The following RPL11 variants were observed in gnomAD, a reference collection of about 807,000 sequenced individuals.
RPL11 encodes large ribosomal subunit protein uL5.
A neutral mutation model predicts 24.1 loss-of-function variants in RPL11; 3 were observed. The ratio of observed to expected loss-of-function variants is 0.12; its 90% CI spans 0.06 to 0.32. RPL11 has a LOEUF of 0.32. Ranked by LOEUF, RPL11 falls within the 10% of genes least tolerant of loss-of-function variation. The probability of loss-of-function intolerance (pLI) is 1.00; values close to 1 mark genes in which losing one functional copy is unlikely to be tolerated. For synonymous variants in RPL11, 96 were observed against 75.7 expected (o/e 1.27, Z -1.39); for missense variants, 146 against 225.7 (o/e 0.65, Z 2.26).
intron 2 of RPL11, 65 bp downstream of exon 2, chr1:23,692,824 C>T (rs1338559386): frequency 1.2e-6 from 2 of 1,601,620 alleles, no homozygotes; most frequent in Non-Finnish European, 1.7e-6. Context: ...CTTGATTTAC[C>T]TGCTGTCGAG....
At chr1:23,692,341 C>T (rs895237091) in intron 1 of RPL11, 4 of 471,826 alleles carry the variant, frequency 8.5e-6, no homozygotes, top group African/African-American at 3.9e-5. Flanking sequence ...TTACCCTGAG[C>T]CTCTTAGGGT....
intron 1 of RPL11, 160 bp from the exon 2 acceptor site, chr1:23,692,449 T>G (rs1371892485): frequency 3.5e-6 from 3 of 856,526 alleles, no homozygotes; most frequent in Non-Finnish European, 5.5e-6. Context: ...CCGAGCTGTC[T>G]TCTTCCCTTG....
Position 23,696,437 on chromosome 1 carries a change from G to A in RPL11, c.*64G>A. 1.3e-6 allele frequency: 2 copies of A among 1,532,512 alleles called. No individual in the cohort carries two copies. Among genetic ancestry groups the A allele is most frequent in the Non-Finnish European group, 1.8e-6 (2 of 1,107,302 alleles). 94.9% of individuals were successfully genotyped at this position (1,532,512 alleles called of 1,614,324 possible). A position where few individuals can be genotyped will look rare whatever the true frequency, so the allele number is the denominator to read the frequency against. On this transcript the variant is annotated 3_prime_UTR_variant, in exon 6 of 6. Coordinates refer to ENST00000643754, the MANE Select transcript of RPL11 (RefSeq NM_000975.5). ...AGTGAAATGTGCAATTCTGTTGTGT[G>A]TTCTGTGAAAGGATCCTGGCCATAT...
rs770559383 is a variant in RPL11, at chr1:23,693,794, C to A, written c.158-13C>A. ...ATGATGGCATCTGACTCCTTGTTAC[C>A]CACTTCCTGCAGCTAGATACACTGT... On this transcript the variant is annotated splice_polypyrimidine_tract_variant and intron_variant, in intron 2 of 5. Coordinates refer to ENST00000643754, the MANE Select transcript of RPL11 (RefSeq NM_000975.5). 2 of 1,605,964 alleles carry A rather than the reference C, an allele frequency of 1.2e-6. No homozygotes were observed. Among genetic ancestry groups the A allele is most frequent in the Non-Finnish European group, 1.7e-6 (2 of 1,172,902 alleles).
chr1:23,693,530 G>A (rs1237762086), intron 2 of RPL11, among the ~76,000 whole-genome samples: 1 of 152,084 alleles, frequency 6.6e-6, no homozygotes, highest in South Asian at 2.1e-4. Context: ...TGGCTTCTTC[G>A]GCCTATTCTG....
Position 23,691,806 on chromosome 1 carries a change from C to T in RPL11, c.-18C>T, listed in dbSNP as rs748969140. ...GGCCCTCGGCCGGAAGCTCCGCTTT[C>T]TCTTCCTGCTCTCCATCATGGCGGT... On this transcript the variant is annotated 5_prime_UTR_variant, in exon 1 of 6. Transcript: ENST00000643754. 5 of 1,614,264 alleles carry T rather than the reference C, an allele frequency of 3.1e-6. No individual in the cohort carries two copies. Among genetic ancestry groups the T allele is most frequent in the East Asian group, 4.5e-5 (2 of 44,884 alleles).
chr1:23,693,050 A>C (rs1466384939), intron 2 of RPL11, among the ~76,000 whole-genome samples: 3 of 152,202 alleles, frequency 2.0e-5, no homozygotes, highest in African/African-American at 7.2e-5. Flanking sequence ...CGAAGTAAAG[A>C]TCATTAGATC....
Position 23,696,571 on chromosome 1 carries a change from C to T in RPL11, c.*198C>T. 1.5e-6 allele frequency: 1 copy of T among 646,486 alleles called. No individual in the cohort carries two copies. The highest frequency in any genetic ancestry group is 2.7e-5 in the East Asian group (1 of 36,454). 40.0% of individuals were successfully genotyped at this position (646,486 alleles called of 1,614,324 possible). A position where few individuals can be genotyped will look rare whatever the true frequency, so the allele number is the denominator to read the frequency against. On this transcript the variant is annotated 3_prime_UTR_variant, in exon 6 of 6. Coordinates refer to ENST00000643754, the MANE Select transcript of RPL11 (RefSeq NM_000975.5). The stretch of plus-strand genomic sequence containing the variant: ...ATTTCCTGGCAGATCCAAGTCCAAG[C>T]TTCATAGCATTCATTGCCTGTGCTT...
intron 2 of RPL11, 38 bp from the exon 3 acceptor site, chr1:23,693,769 A>G (rs1644516380): frequency 1.3e-5 from 19 of 1,411,322 alleles, no homozygotes; most frequent in Non-Finnish European, 1.8e-5. Context: ...TAGTGGGGGT[A>G]TGATGGCATC....
intron 2 of RPL11, among the ~76,000 whole-genome samples, chr1:23,693,499 G>A (rs1231867640): frequency 6.6e-6 from 1 of 152,168 alleles, no homozygotes; most frequent in African/African-American, 2.4e-5. Context: ...TGTTTTCTTT[G>A]GAACATGATA....
intron 4 of RPL11, 106 bp from the exon 5 acceptor site, chr1:23,695,692 T>C: frequency 1.9e-6 from 2 of 1,046,256 alleles, no homozygotes; most frequent in Non-Finnish European, 2.9e-6. Context: ...CAGAATCCAT[T>C]GGGCTGCCAA....
At position 23,691,837 on chromosome 1, in the gene RPL11, G is replaced by T. The variant is rs201469553; in HGVS notation, c.6+8G>T. On this transcript the variant is annotated splice_region_variant and intron_variant, in intron 1 of 5. Coordinates refer to ENST00000643754, the MANE Select transcript of RPL11 (RefSeq NM_000975.5). ...CTGCTCTCCATCATGGCGGTGAGTAGCTGGGACCTGGATTTGCTTTCCTTT... is the reference window on the plus strand; with the variant it reads ...CTGCTCTCCATCATGGCGGTGAGTATCTGGGACCTGGATTTGCTTTCCTTT... 1.9e-6 allele frequency: 3 copies of T among 1,614,264 alleles called. No individual in the cohort carries two copies. Among genetic ancestry groups the T allele is most frequent in the Middle Eastern group, 1.6e-4 (1 of 6,062 alleles).
chr1:23,693,941 A>G, intron 3 of RPL11, 28 bp downstream of exon 3: 1 of 1,463,250 alleles, frequency 6.8e-7, no homozygotes, highest in Non-Finnish European at 9.6e-7. Context: ...ATGGAGTGAT[A>G]TTGATCAGCA....
Position 23,693,823 on chromosome 1 carries a change from A to G in RPL11, c.174A>G (p.Arg58=), listed in dbSNP as rs752965630. ...TTCCTGCAGCTAGATACACTGTCAG[A>G]TCCTTTGGCATCCGGAGAAATGAAA... The part of the protein sequence containing the change: ...PVFSKARYTV[R]SFGIRRNEKI... Residue 58 remains arginine (R), a synonymous_variant, in exon 3 of 6, where the codon AGA becomes AGG. Coordinates refer to ENST00000643754, the MANE Select transcript of RPL11 (RefSeq NM_000975.5). 2.5e-6 allele frequency: 4 copies of G among 1,613,980 alleles called. No individual in the cohort carries two copies. Among genetic ancestry groups the G allele is most frequent in the Non-Finnish European group, 2.5e-6 (3 of 1,179,978 alleles).
chr1:23,692,549 G>T, intron 1 of RPL11, 60 bp from the exon 2 acceptor site: 1 of 1,603,486 alleles, frequency 6.2e-7, no homozygotes. Flanking sequence ...CAGATAGAAA[G>T]TAGTAAAACT....
At chr1:23,692,520 C>T in intron 1 of RPL11, 89 bp from the exon 2 acceptor site, 1 of 1,540,070 alleles carries the variant, frequency 6.5e-7, no homozygotes, top group South Asian at 1.1e-5. Context: ...TTGGGATGAG[C>T]AGAAATAAAA....
chr1:23,696,300 C>CTGT lies in RPL11; in HGVS notation c.508-41_508-39dup, dbSNP rs756671937. On this transcript the variant is annotated intron_variant, in intron 5 of 5. Transcript: ENST00000643754. ...AAGTTAGCCATTGCTGCAATCTCTG[C>CTGT]TGTTGCCTCCTGTTCTGAAAAAATT... 11 of 1,590,672 alleles carry CTGT rather than the reference C, an allele frequency of 6.9e-6. No individual in the cohort carries two copies. In the East Asian group the frequency reaches 2.5e-4, roughly 36 times the overall value.
intron 3 of RPL11, 115 bp downstream of exon 3, chr1:23,694,028 T>G: frequency 1.2e-6 from 1 of 830,922 alleles, no homozygotes; most frequent in Non-Finnish European, 2.0e-6. Context: ...TTACTTAAGC[T>G]TCTAAAAGGC....
rs3208746 is a variant in RPL11, at chr1:23,695,879, G to C, written c.478G>C (p.Glu160Gln). ...TGGGGCCAAACACAGAATCAGCAAA[G>C]AGGAGGCCATGCGCTGGTTCCAGCA... is the stretch of plus-strand genomic sequence containing the variant. ...CIGAKHRISK[E>Q]EAMRWFQQKY... Residue 160 changes from glutamate to glutamine, a missense_variant, in exon 5 of 6, where the codon GAG becomes CAG. By Grantham distance (29) the Glu-to-Gln change is conservative. Coordinates refer to ENST00000643754, the MANE Select transcript of RPL11 (RefSeq NM_000975.5). 2 of 1,594,864 alleles carry C rather than the reference G, an allele frequency of 1.3e-6. No individual in the cohort carries two copies. The highest frequency in any genetic ancestry group is 1.3e-5 in the African/African-American group (1 of 74,816).
Sources: gnomAD v4.1 joint callset for allele counts (sites outside exome capture counted in the v4.1 genomes callset) on GRCh38, gnomAD v4.1.1 for gene constraint, MANE v1.5 for transcripts, NCBI Gene and HGNC (gene_info 2026-07-23, HGNC 2026-07-21) for gene names.